Variants in MAML2 observed in about 807,000 individuals in gnomAD.
MAML2 encodes mastermind like transcriptional coactivator 2, also known as mastermind-like protein 2.
Under a neutral mutation model 96.1 loss-of-function variants are expected in MAML2, and 22 were observed. The observed-to-expected ratio is 0.23, with a 90% CI of 0.16 to 0.33. The LOEUF is 0.33. Among genes scored for constraint, MAML2 ranks in the 10% least tolerant of loss-of-function variants. MAML2 has a pLI of 1.00. For missense variants in MAML2, 1,367 were observed against 1,392.4 expected, an observed-to-expected ratio of 0.98 and a Z score of 0.29; for synonymous variants, 561 against 521.3, an observed-to-expected ratio of 1.08 and a Z score of -1.04.
At chr11:96,277,292 C>A (rs1405416486) in intron 1 of MAML2, among the ~76,000 whole-genome samples, 2 of 152,026 alleles carry the variant, frequency 1.3e-5, no homozygotes, top group Non-Finnish European at 2.9e-5. Context: ...GTGTTTGTTA[C>A]ACGCACAGAA....
intron 1 of MAML2, among the ~76,000 whole-genome samples, chr11:96,158,828 C>T (rs114166339): frequency 2.6e-5 from 4 of 152,218 alleles, no homozygotes; most frequent in East Asian, 1.9e-4. Flanking sequence ...CCCAGACTTA[C>T]CTTTCAGGAA....
intron 1 of MAML2, among the ~76,000 whole-genome samples, chr11:96,218,479 AT>A: frequency 1.3e-5 from 2 of 152,290 alleles, no homozygotes; most frequent in South Asian, 4.1e-4. Flanking sequence ...ACTGACTACT[AT>A]TTTAAGGCCA....
At chr11:96,274,329 AC>A (rs1039507925) in intron 1 of MAML2, among the ~76,000 whole-genome samples, 4 of 151,288 alleles carry the variant, frequency 2.6e-5, no homozygotes, top group African/African-American at 7.3e-5. Flanking sequence ...TGATCGGCCC[AC>A]CTCGGCCTTC....
chr11:96,150,528 CCAGA>C (rs1425860832), intron 1 of MAML2, among the ~76,000 whole-genome samples: 2 of 151,974 alleles, frequency 1.3e-5, no homozygotes, highest in African/African-American at 2.4e-5. Flanking sequence ...GTACACAAGC[CCAGA>C]CAGACAGCCT....
chr11:96,241,227 A>G (rs1294301762), intron 1 of MAML2, among the ~76,000 whole-genome samples: 3 of 152,224 alleles, frequency 2.0e-5, no homozygotes, highest in Admixed American at 6.5e-5. Flanking sequence ...AGCATCAAAG[A>G]TTTAGTGCTT....
chr11:96,018,261 G>T (rs531206271), intron 2 of MAML2, among the ~76,000 whole-genome samples: 68 of 152,282 alleles, frequency 4.5e-4, no homozygotes, highest in African/African-American at 1.6e-3. Flanking sequence ...AATTTAACCT[G>T]GGATATGTCA....
chr11:96,039,116 A>G (rs1590975383), intron 2 of MAML2, among the ~76,000 whole-genome samples: 1 of 152,128 alleles, frequency 6.6e-6, no homozygotes, highest in Admixed American at 6.6e-5. Context: ...TTAGTCAGGC[A>G]TGATGATGTA....
intron 1 of MAML2, among the ~76,000 whole-genome samples, chr11:96,150,236 A>T (rs1860897735): frequency 6.6e-6 from 1 of 152,254 alleles, no homozygotes; most frequent in Non-Finnish European, 1.5e-5. Context: ...GGAGTGATGA[A>T]GTCACAAAGC....
At chr11:96,133,050 T>C (rs1170443866) in intron 1 of MAML2, among the ~76,000 whole-genome samples, 1 of 152,248 alleles carries the variant, frequency 6.6e-6, no homozygotes, top group Non-Finnish European at 1.5e-5. Context: ...AGTGAGTGCC[T>C]TCTTCATTGC....
intron 1 of MAML2, among the ~76,000 whole-genome samples, chr11:96,137,377 A>G (rs1286414813): frequency 1.3e-5 from 2 of 152,212 alleles, no homozygotes; most frequent in East Asian, 3.8e-4. Context: ...TGTCTCTTAC[A>G]CGCCTGGATC....
chr11:96,299,692 T>C (rs1863359708), intron 1 of MAML2, among the ~76,000 whole-genome samples: 1 of 152,210 alleles, frequency 6.6e-6, no homozygotes, highest in South Asian at 2.1e-4. Flanking sequence ...TGCTCCTCCT[T>C]ACAGTTGTCC....
intron 1 of MAML2, among the ~76,000 whole-genome samples, chr11:96,291,727 T>A: frequency 6.6e-6 from 1 of 152,242 alleles, no homozygotes; most frequent in African/African-American, 2.4e-5. Flanking sequence ...TGTAAGTATG[T>A]GTGTGCACGC....
intron 1 of MAML2, among the ~76,000 whole-genome samples, chr11:96,205,237 G>A (rs1861879437): frequency 1.3e-5 from 2 of 152,182 alleles, no homozygotes; most frequent in South Asian, 2.1e-4. Flanking sequence ...CAATTATTCA[G>A]TCTACTTGAA....
chr11:95,997,941 T>C (rs1459786203), intron 2 of MAML2, among the ~76,000 whole-genome samples: 1 of 151,740 alleles, frequency 6.6e-6, no homozygotes, highest in East Asian at 1.9e-4. Flanking sequence ...CATATATATA[T>C]ATATTTTTAA....
At chr11:96,174,582 C>A (rs1861353097) in intron 1 of MAML2, among the ~76,000 whole-genome samples, 1 of 152,162 alleles carries the variant, frequency 6.6e-6, no homozygotes, top group Non-Finnish European at 1.5e-5. Context: ...CGGGGTTTCA[C>A]CATGTTGGTC....
chr11:95,994,027 CA>C (rs1857954550), intron 2 of MAML2, among the ~76,000 whole-genome samples: 1 of 152,174 alleles, frequency 6.6e-6, no homozygotes, highest in Non-Finnish European at 1.5e-5. Flanking sequence ...TGTCTGACCC[CA>C]CAACTCTAGT....
At chr11:96,302,875 C>T (rs1308615674) in intron 1 of MAML2, among the ~76,000 whole-genome samples, 1 of 152,148 alleles carries the variant, frequency 6.6e-6, no homozygotes, top group Non-Finnish European at 1.5e-5. Flanking sequence ...AGGTAAAACT[C>T]ATTTAATTCT....
At chr11:96,318,345 T>C (rs1353052500) in intron 1 of MAML2, among the ~76,000 whole-genome samples, 3 of 152,140 alleles carry the variant, frequency 2.0e-5, no homozygotes, top group Admixed American at 6.5e-5. Flanking sequence ...ATGACTAAAA[T>C]CCGATATGAT....
chr11:96,021,280 G>A (rs1858431465), intron 2 of MAML2, among the ~76,000 whole-genome samples: 1 of 152,208 alleles, frequency 6.6e-6, no homozygotes, highest in Non-Finnish European at 1.5e-5. Flanking sequence ...ACAACCACCA[G>A]CATGGCCTTA....
Sources: allele counts gnomAD v4.1 joint callset (sites outside exome capture counted in the v4.1 genomes callset), GRCh38; gene constraint gnomAD v4.1.1; transcripts MANE v1.5; gene names NCBI Gene and HGNC (gene_info 2026-07-23, HGNC 2026-07-21).